The following NTM variants were observed in gnomAD, a reference collection of about 807,000 sequenced individuals.
The protein encoded by NTM is IgLON family member 2.
In NTM, 13 loss-of-function variants were observed where a neutral mutation model predicts 42.1. The observed-to-expected ratio is 0.31, with a 90% CI of 0.20 to 0.49. The LOEUF (loss-of-function observed/expected upper bound fraction) is 0.49. NTM is among the 20% of genes least tolerant of loss of function. NTM has a pLI of 0.99. For missense variants in NTM, 373 were observed against 452.8 expected, an observed-to-expected ratio of 0.82 and a Z score of 1.60; for synonymous variants, 187 against 179.2, an observed-to-expected ratio of 1.04 and a Z score of -0.35.
In NTM at chr11:131,854,681, T is replaced by G. The variant is rs553977498; in HGVS notation, c.83-56883T>G. ...GAAAAATTAGGCCACGATAAGGAGT[T>G]TGGATTTTGTTTTAAGAGCAATGGG... On this transcript the variant is annotated intron_variant, in intron 1 of 8. Coordinates refer to ENST00000683400, the MANE Select transcript of NTM (RefSeq NM_001352005.2). Among the ~76,000 whole-genome samples the G allele has an allele frequency of 3.9e-5, 6 of 152,080 alleles. No homozygotes were observed. In the East Asian group the frequency reaches 9.7e-4, roughly 25 times the overall value.
chr11:131,928,966 G>A (rs2058275544), intron 2 of NTM, among the ~76,000 whole-genome samples: 1 of 152,078 alleles, frequency 6.6e-6, no homozygotes, highest in Non-Finnish European at 1.5e-5. Flanking sequence ...GTTTTCTCAT[G>A]TTCCCATAGT....
At chr11:131,778,709 G>A (rs1244803986) in intron 1 of NTM, among the ~76,000 whole-genome samples, 1 of 152,108 alleles carries the variant, frequency 6.6e-6, no homozygotes, top group Non-Finnish European at 1.5e-5. Flanking sequence ...CTTCAATATT[G>A]ACTCTCTTTC....
intron 6 of NTM, among the ~76,000 whole-genome samples, chr11:132,313,943 A>C (rs1164460092): frequency 6.6e-6 from 1 of 152,290 alleles, no homozygotes; most frequent in South Asian, 2.1e-4. Context: ...GTCTGGGCAG[A>C]TCACTCCTCC....
At chr11:131,794,394 A>G (rs1307938571) in intron 1 of NTM, 2 of 729,530 alleles carry the variant, frequency 2.7e-6, no homozygotes, top group Non-Finnish European at 3.4e-6. Flanking sequence ...TTAGCCTAAA[A>G]CTCACCTTCC....
intron 3 of NTM, among the ~76,000 whole-genome samples, chr11:132,168,696 A>C (rs891704512): frequency 6.6e-6 from 1 of 152,204 alleles, no homozygotes; most frequent in Non-Finnish European, 1.5e-5. Flanking sequence ...CTGATACTTT[A>C]ATCTGACTCT....
intron 4 of NTM, among the ~76,000 whole-genome samples, chr11:132,256,726 G>A (rs2092506038): frequency 6.6e-6 from 1 of 151,770 alleles, no homozygotes; most frequent in South Asian, 2.1e-4. Context: ...GCACATGAGT[G>A]CATCTGTTTG....
intron 1 of NTM, among the ~76,000 whole-genome samples, chr11:131,673,497 C>T (rs873801): frequency 0.043 from 6,474 of 152,288 alleles, 458 homozygotes; most frequent in African/African-American, 0.14. Context: ...GTGTGTCTTT[C>T]TTCTTATCTC....
intron 2 of NTM, among the ~76,000 whole-genome samples, chr11:132,133,033 G>A (rs1325365919): frequency 6.6e-6 from 1 of 152,226 alleles, no homozygotes; most frequent in African/African-American, 2.4e-5. Flanking sequence ...AGAATCAGGA[G>A]ATGCTCGCTG....
At chr11:132,311,040 T>G (rs79523826) in intron 6 of NTM, among the ~76,000 whole-genome samples, 4,292 of 151,998 alleles carry the variant, frequency 0.028, 216 homozygotes, top group African/African-American at 0.098. Context: ...GAGGTGTATG[T>G]GGGGTGGAGT....
At chr11:132,030,222 C>T (rs2075740655) in intron 2 of NTM, among the ~76,000 whole-genome samples, 1 of 152,076 alleles carries the variant, frequency 6.6e-6, no homozygotes, top group Non-Finnish European at 1.5e-5. Context: ...TCAAACACTC[C>T]TAAAACCCCT....
intron 2 of NTM, among the ~76,000 whole-genome samples, chr11:132,061,617 A>AATT (rs1447421066): frequency 6.6e-6 from 1 of 152,220 alleles, no homozygotes. Flanking sequence ...TCTGATAATA[A>AATT]CAGAACACTG....
At chr11:131,743,164 G>C (rs986142872) in intron 1 of NTM, among the ~76,000 whole-genome samples, 1 of 151,560 alleles carries the variant, frequency 6.6e-6, no homozygotes, top group Non-Finnish European at 1.5e-5. Context: ...TGAACACAAA[G>C]ACTTAACAAG....
intron 1 of NTM, among the ~76,000 whole-genome samples, chr11:131,401,124 CA>C (rs1945089983): frequency 6.6e-6 from 1 of 151,822 alleles, no homozygotes. Context: ...GATCAAAACA[CA>C]ACCACAAAAC....
At chr11:132,071,355 G>A (rs2057640114) in intron 2 of NTM, among the ~76,000 whole-genome samples, 1 of 149,074 alleles carries the variant, frequency 6.7e-6, no homozygotes, top group Non-Finnish European at 1.5e-5. Context: ...ACTCAGCCAA[G>A]TTAACACGTC....
intron 2 of NTM, among the ~76,000 whole-genome samples, chr11:131,999,961 A>T (rs1179017093): frequency 2.0e-5 from 3 of 151,520 alleles, no homozygotes; most frequent in Non-Finnish European, 2.9e-5. Context: ...CGTACTAGTG[A>T]TTTCTAACAT....
chr11:131,829,098 G>A, intron 1 of NTM, among the ~76,000 whole-genome samples: 1 of 151,686 alleles, frequency 6.6e-6, no homozygotes, highest in East Asian at 1.9e-4. Flanking sequence ...CCTAAGCTTA[G>A]ACCCAGTAAT....
chr11:131,511,499 G>T (rs1210444008), intron 1 of NTM, among the ~76,000 whole-genome samples: 1 of 152,226 alleles, frequency 6.6e-6, no homozygotes. Flanking sequence ...GTTTAAATCA[G>T]CAATGCTAGT....
intron 1 of NTM, among the ~76,000 whole-genome samples, chr11:131,722,386 G>A (rs1592702326): frequency 1.3e-5 from 2 of 152,180 alleles, no homozygotes; most frequent in African/African-American, 2.4e-5. Flanking sequence ...ACGGCCAAAA[G>A]GCAACTTTTG....
chr11:131,598,566 T>C (rs1295699923), intron 1 of NTM, among the ~76,000 whole-genome samples: 1 of 152,036 alleles, frequency 6.6e-6, no homozygotes, highest in Non-Finnish European at 1.5e-5. Flanking sequence ...CCCCCTCCAT[T>C]AGTCACTGGG....
Sources: allele counts gnomAD v4.1 joint callset (sites outside exome capture counted in the v4.1 genomes callset), GRCh38; gene constraint gnomAD v4.1.1; transcripts MANE v1.5; gene names NCBI Gene and HGNC (gene_info 2026-07-23, HGNC 2026-07-21).